The following TCP11 variants were observed in gnomAD, a reference collection of about 807,000 sequenced individuals.
TCP11 encodes t-complex 11.
TCP11 carries 34 observed loss-of-function variants against 45.0 expected under a neutral mutation model. The observed-to-expected ratio is 0.76, with a 90% CI of 0.57 to 1.01. The LOEUF (loss-of-function observed/expected upper bound fraction) is 1.01, where lower values mean the gene tolerates loss of function less well. Among genes scored for constraint, TCP11 ranks in the 50% least tolerant of loss-of-function variants. TCP11 has a pLI of 0.00. For missense variants in TCP11, 523 were observed against 598.1 expected (o/e 0.87, Z 1.31); for synonymous variants, 227 against 227.0 (o/e 1.00, Z 0.00).
chr6:35,135,174 G>A (rs1390145063), intron 3 of TCP11, among the ~76,000 whole-genome samples: 3 of 150,154 alleles, frequency 2.0e-5, no homozygotes, highest in Non-Finnish European at 4.4e-5. Context: ...GAATGTAGCA[G>A]AAACAATGGG....
In TCP11 at chr6:35,120,989, T is replaced by A; in HGVS notation, c.635A>T (p.Gln212Leu). ...MKMDMVNYTI[Q>L]SLQPHLQEHS... ...TTCCTGCAGGTGGGGTTGAAGGCTCTGGATAGTGTAGTTCACCATGTCCAT... is the reference window on the plus strand; with the variant it reads ...TTCCTGCAGGTGGGGTTGAAGGCTCAGGATAGTGTAGTTCACCATGTCCAT... The change falls in exon 6 of 10, where the codon CAG becomes CTG. Residue 212 changes from glutamine to leucine, a missense_variant. Physicochemically the swap from Gln to Leu is moderately radical, Grantham distance 113. Transcript: ENST00000311875. The surrounding 1 kb of genome is among the most constrained non-coding windows in gnomAD (Gnocchi z 4.9). 1 of 1,613,876 alleles carries A rather than the reference T, an allele frequency of 6.2e-7. No individual in the cohort carries two copies. Among genetic ancestry groups the A allele is most frequent in the Non-Finnish European group, 8.5e-7 (1 of 1,179,868 alleles).
rs747198627 is a variant in TCP11, at chr6:35,119,235, AC to A, written c.1271del (p.Ser424MetfsTer24). On this transcript the variant is annotated frameshift_variant, in exon 9 of 10. Transcript: ENST00000311875. LOFTEE classifies it high-confidence loss of function. ...NIAKKENCVC[S>X]VIDQRIHLFL... ...CCCCACAAGCATACTCACCAATAAC[AC>A]TGCAGACACAGTTCTCCTTCTTGGC... 4.3e-6 allele frequency: 7 copies of A among 1,614,038 alleles called. No homozygotes were observed. Among genetic ancestry groups the A allele is most frequent in the Non-Finnish European group, 5.9e-6 (7 of 1,179,956 alleles).
At chr6:35,121,992 G>T (rs1779311740) in intron 5 of TCP11, 125 bp downstream of exon 5, 1 of 888,978 alleles carries the variant, frequency 1.1e-6, no homozygotes, top group South Asian at 1.6e-5. Context: ...GGGAGAAAAA[G>T]GGTGTTAGTC....
At chr6:35,124,440 A>C (rs918352599) in intron 4 of TCP11, among the ~76,000 whole-genome samples, 1 of 152,244 alleles carries the variant, frequency 6.6e-6, no homozygotes, top group South Asian at 2.1e-4. Context: ...ATAATTATTC[A>C]CCTTTTGAGA....
chr6:35,125,936 A>G (rs1269031286), intron 4 of TCP11, among the ~76,000 whole-genome samples: 1 of 152,264 alleles, frequency 6.6e-6, no homozygotes, highest in Non-Finnish European at 1.5e-5. Flanking sequence ...TATTCCATTT[A>G]TAAGTACCTA....
chr6:35,122,609 T>C (rs1486655376), intron 4 of TCP11, among the ~76,000 whole-genome samples: 1 of 152,084 alleles, frequency 6.6e-6, no homozygotes, highest in Non-Finnish European at 1.5e-5. Flanking sequence ...TAAAAAGACA[T>C]ACGGGGTACA....
rs771821732 is a variant in TCP11, at chr6:35,140,766, G to A, written c.105C>T (p.Gly35=). The change falls in exon 2 of 10, where the codon GGC becomes GGT. Residue 35 remains glycine (G), a synonymous_variant. Transcript: ENST00000311875. ...ACCTACAGGGAGGGGGGTCCTCGGA[G>A]CCGCTCTTGTCTTCCTGGGGGGGTC... ...TSGPPQEDKS[G]SEDPPPFLSV... 2.6e-6 allele frequency: 4 copies of A among 1,530,044 alleles called. No individual in the cohort carries two copies. The highest frequency in any genetic ancestry group is 3.5e-6 in the Non-Finnish European group (4 of 1,143,446). The allele number at this position is 1,530,044 out of a possible 1,614,324, so 94.8% of individuals were successfully genotyped here.
chr6:35,122,000 G>A (rs1779313794), intron 5 of TCP11, 117 bp downstream of exon 5: 5 of 969,462 alleles, frequency 5.2e-6, no homozygotes, highest in Non-Finnish European at 8.0e-6. Flanking sequence ...AAGGGTGTTA[G>A]TCAGGTCTTT....
At chr6:35,134,303 T>G (rs1780810304) in intron 3 of TCP11, among the ~76,000 whole-genome samples, 1 of 150,302 alleles carries the variant, frequency 6.7e-6, no homozygotes, top group Admixed American at 6.6e-5. Context: ...TTGGTTTTGT[T>G]TTGAGATGGA....
chr6:35,121,094 C>A, intron 5 of TCP11, 49 bp from the exon 6 acceptor site: 2 of 1,522,308 alleles, frequency 1.3e-6, no homozygotes, highest in East Asian at 2.3e-5. Flanking sequence ...TAGAAACCCA[C>A]CCAAGGAGTC....
At chr6:35,132,042 CTTAT>C (rs1430188513) in intron 3 of TCP11, among the ~76,000 whole-genome samples, 1 of 152,238 alleles carries the variant, frequency 6.6e-6, no homozygotes, top group African/African-American at 2.4e-5. Context: ...TGATGTAATG[CTTAT>C]TTAAAGTCCT....
chr6:35,132,795 T>C (rs1350776036), intron 3 of TCP11, among the ~76,000 whole-genome samples: 2 of 152,150 alleles, frequency 1.3e-5, no homozygotes, highest in East Asian at 1.9e-4. Context: ...TATCCCTCCA[T>C]ACGCCTGCAA....
chr6:35,120,033 C>T lies in TCP11; in HGVS notation c.1115+126G>A. On this transcript the variant is annotated intron_variant, in intron 8 of 9. Coordinates refer to ENST00000311875, the MANE Select transcript of TCP11 (RefSeq NM_001370687.1). This position sits in a 1 kb window ranked among gnomAD's most constrained non-coding sequence, Gnocchi z 4.9. Reference sequence around the variant, plus strand: ...CCACTTATGGAAAGAAACCAACAATCTTTGTAGATGGTTCCACAGGGCCTT... The same window carrying T: ...CCACTTATGGAAAGAAACCAACAATTTTTGTAGATGGTTCCACAGGGCCTT... The T allele has an allele frequency of 8.0e-7, 1 of 1,242,858 alleles. No homozygotes were observed. Among genetic ancestry groups the T allele is most frequent in the Non-Finnish European group, 1.1e-6 (1 of 915,956 alleles). The allele number at this position is 1,242,858 out of a possible 1,614,324, so 77.0% of individuals were successfully genotyped here. A position where few individuals can be genotyped will look rare whatever the true frequency, so the allele number is the denominator to read the frequency against.
chr6:35,131,326 G>T (rs1244470016), intron 3 of TCP11, among the ~76,000 whole-genome samples: 1 of 152,072 alleles, frequency 6.6e-6, no homozygotes, highest in East Asian at 1.9e-4. Flanking sequence ...CCAGCACTTT[G>T]GGGGGCCGAG....
chr6:35,120,148 A>G lies in TCP11; in HGVS notation c.1115+11T>C, dbSNP rs1422150526. 3 of 1,612,722 alleles carry G rather than the reference A, an allele frequency of 1.9e-6. No homozygotes were observed. The highest frequency in any genetic ancestry group is 2.7e-5 in the African/African-American group (2 of 74,920). ...TCACCTTCTACTCTAAAAAGTAACTATGCAGCTCACCTGGAGTGAAAGTCT... is the reference window on the plus strand; with the variant it reads ...TCACCTTCTACTCTAAAAAGTAACTGTGCAGCTCACCTGGAGTGAAAGTCT... On this transcript the variant is annotated intron_variant, in intron 8 of 9. Coordinates refer to ENST00000311875, the MANE Select transcript of TCP11 (RefSeq NM_001370687.1). The surrounding 1 kb of genome is among the most constrained non-coding windows in gnomAD (Gnocchi z 4.9).
In TCP11 at chr6:35,141,199, C is replaced by T. The variant is rs1433996447; in HGVS notation, c.-15+6G>A. ...CCAGGCCCGCCTCCGGCTCCCAGGCCGTCACCTCCTCCTCCCCCGCCGCGG... is the reference window on the plus strand; with the variant it reads ...CCAGGCCCGCCTCCGGCTCCCAGGCTGTCACCTCCTCCTCCCCCGCCGCGG... On this transcript the variant is annotated splice_donor_region_variant and intron_variant, in intron 1 of 9. Transcript: ENST00000311875. The T allele has an allele frequency of 1.4e-6, 2 of 1,403,568 alleles. No individual in the cohort carries two copies. Among genetic ancestry groups the T allele is most frequent in the South Asian group, 3.1e-5 (2 of 65,544 alleles). The allele number at this position is 1,403,568 out of a possible 1,614,324, so 86.9% of individuals were successfully genotyped here.
chr6:35,125,891 G>C (rs922210009), intron 4 of TCP11, among the ~76,000 whole-genome samples: 2 of 152,138 alleles, frequency 1.3e-5, no homozygotes, highest in Non-Finnish European at 2.9e-5. Flanking sequence ...ATTACACTAA[G>C]TTAAACAAGT....
intron 1 of TCP11, 114 bp from the exon 2 acceptor site, chr6:35,140,998 G>A (rs1220954219): frequency 7.4e-7 from 1 of 1,344,776 alleles, no homozygotes; most frequent in Non-Finnish European, 9.8e-7. Flanking sequence ...TCTTGGGGGT[G>A]CTGAGGGGCA....
Position 35,140,997 on chromosome 6 carries a change from T to C in TCP11, c.-14-113A>G. The stretch of plus-strand genomic sequence containing the variant: ...GGTAGCGGCCTCAGGGTCTTGGGGG[T>C]GCTGAGGGGCAGAAAGGGGCAAAGG... On this transcript the variant is annotated intron_variant, in intron 1 of 9. Coordinates refer to ENST00000311875, the MANE Select transcript of TCP11 (RefSeq NM_001370687.1). 4 of 1,310,216 alleles carry C rather than the reference T, an allele frequency of 3.1e-6. No individual in the cohort carries two copies. In the South Asian group the frequency reaches 5.6e-5, roughly 18 times the overall value. 81.2% of individuals were successfully genotyped at this position (1,310,216 alleles called of 1,614,324 possible). A position where few individuals can be genotyped will look rare whatever the true frequency, so the allele number is the denominator to read the frequency against.
Sources: gnomAD v4.1 joint callset for allele counts (sites outside exome capture counted in the v4.1 genomes callset) on GRCh38, gnomAD v4.1.1 for gene constraint, Gnocchi (gnomAD v3.1) non-coding constraint, MANE v1.5 for transcripts, NCBI Gene and HGNC (gene_info 2026-07-23, HGNC 2026-07-21) for gene names.